The following OLFM3 variants were observed in gnomAD, a reference collection of about 807,000 sequenced individuals.
OLFM3 encodes the protein noelin-3.
In OLFM3, 20 loss-of-function variants were observed where a neutral mutation model predicts 48.6. The ratio of observed to expected loss-of-function variants is 0.41; its 90% CI spans 0.29 to 0.60. OLFM3 has a LOEUF of 0.60. Ranked by LOEUF, OLFM3 falls within the 20% of genes least tolerant of loss-of-function variation. The probability of loss-of-function intolerance (pLI) is 0.28; values close to 1 mark genes in which losing one functional copy is unlikely to be tolerated. For synonymous variants in OLFM3, 222 were observed against 198.1 expected (o/e 1.12, Z -1.01); for missense variants, 437 against 544.3 (o/e 0.80, Z 1.96).
At chr1:101,856,616 T>C (rs1418808438) in intron 1 of OLFM3, among the ~76,000 whole-genome samples, 1 of 152,030 alleles carries the variant, frequency 6.6e-6, no homozygotes, top group East Asian at 1.9e-4. Context: ...TTTTTTGTTC[T>C]CTCCACATTT....
intron 1 of OLFM3, among the ~76,000 whole-genome samples, chr1:101,991,016 A>AAAATATATATAT (rs1553186119): frequency 9.3e-5 from 3 of 32,212 alleles, no homozygotes; most frequent in African/African-American, 3.4e-4. Flanking sequence ...AAAAAAAAAA[A>AAAATATATATAT]ATATATATAT....
chr1:101,979,599 G>A (rs1661049226), intron 1 of OLFM3, among the ~76,000 whole-genome samples: 1 of 152,184 alleles, frequency 6.6e-6, no homozygotes, highest in Admixed American at 6.5e-5. Context: ...ACCCAGCAAT[G>A]TGGAATGATT....
chr1:101,931,091 C>T (rs181656564), intron 1 of OLFM3, among the ~76,000 whole-genome samples: 2 of 152,268 alleles, frequency 1.3e-5, no homozygotes, highest in Admixed American at 1.3e-4. Flanking sequence ...AAGAAGTCTT[C>T]TAGTTTCAGG....
intron 4 of OLFM3, among the ~76,000 whole-genome samples, chr1:101,807,704 G>A (rs555751788): frequency 1.3e-5 from 2 of 151,696 alleles, no homozygotes; most frequent in African/African-American, 2.4e-5. Flanking sequence ...AACTTGAATC[G>A]AATATATTTT....
At chr1:101,972,827 G>A (rs1240846324) in intron 1 of OLFM3, among the ~76,000 whole-genome samples, 2 of 152,132 alleles carry the variant, frequency 1.3e-5, no homozygotes, top group African/African-American at 2.4e-5. Context: ...TAAGCTGCAC[G>A]GAATATTGAA....
intron 1 of OLFM3, among the ~76,000 whole-genome samples, chr1:101,975,966 A>AT (rs1660942023): frequency 6.6e-6 from 1 of 152,198 alleles, no homozygotes; most frequent in East Asian, 1.9e-4. Flanking sequence ...ACTTTTAAGG[A>AT]TTTTCTGCAA....
chr1:101,840,235 A>G (rs776472663), intron 1 of OLFM3, among the ~76,000 whole-genome samples: 8 of 152,198 alleles, frequency 5.3e-5, no homozygotes, highest in Non-Finnish European at 1.2e-4. Flanking sequence ...GCAATCATTA[A>G]TGGAGTTCTA....
intron 1 of OLFM3, among the ~76,000 whole-genome samples, chr1:101,962,772 G>C (rs1660504136): frequency 6.6e-6 from 1 of 152,124 alleles, no homozygotes. Context: ...AGCATTACTT[G>C]TAGTTTTCTT....
chr1:101,921,223 AC>A, intron 1 of OLFM3, among the ~76,000 whole-genome samples: 1 of 152,080 alleles, frequency 6.6e-6, no homozygotes, highest in South Asian at 2.1e-4. Context: ...ACACACACAC[AC>A]ACACACACAA....
intron 1 of OLFM3, among the ~76,000 whole-genome samples, chr1:101,946,063 C>T (rs1263108316): frequency 1.3e-5 from 2 of 152,058 alleles, no homozygotes; most frequent in African/African-American, 4.8e-5. Flanking sequence ...CTGAGGTTAG[C>T]GTGTTCCTAG....
intron 1 of OLFM3, among the ~76,000 whole-genome samples, chr1:101,939,789 A>G (rs1354725555): frequency 2.6e-5 from 4 of 152,154 alleles, no homozygotes; most frequent in Non-Finnish European, 5.9e-5. Flanking sequence ...AACAATTGTA[A>G]GGGAAGTCTT....
intron 1 of OLFM3, among the ~76,000 whole-genome samples, chr1:101,923,723 G>A (rs1012332616): frequency 1.3e-5 from 2 of 151,738 alleles, no homozygotes; most frequent in African/African-American, 2.4e-5. Flanking sequence ...TAATTCTCTT[G>A]ACAGTTTCTT....
At chr1:101,950,724 G>A (rs4639786) in intron 1 of OLFM3, among the ~76,000 whole-genome samples, 35 of 152,222 alleles carry the variant, frequency 2.3e-4, no homozygotes, top group Middle Eastern at 3.4e-3. Flanking sequence ...GATTACAGGC[G>A]TGAGCCATTG....
intron 4 of OLFM3, among the ~76,000 whole-genome samples, chr1:101,824,671 AACAACAACAAC>A (rs1654770360): frequency 6.6e-6 from 1 of 151,678 alleles, no homozygotes; most frequent in African/African-American, 2.4e-5. Context: ...CAACAACAAC[AACAACAACAAC>A]AAAAAACAGT....
At chr1:101,985,697 A>G (rs982109040) in intron 1 of OLFM3, among the ~76,000 whole-genome samples, 6 of 152,312 alleles carry the variant, frequency 3.9e-5, no homozygotes, top group African/African-American at 1.4e-4. Context: ...TTATCTTTCA[A>G]TTAAATTTGC....
chr1:101,804,491 C>T lies in OLFM3; in HGVS notation c.1124G>A (p.Gly375Glu). ...TGTCCCACAGATCATGAAAGATTCC[C>T]CTGCACTTCTCTTGGGGTAGCCAGT... is the stretch of plus-strand genomic sequence containing the variant. ...WSTGYPKRSA[G>E]ESFMICGTLY... Residue 375 changes from glycine to glutamate, a missense_variant, in exon 6 of 6, where the codon GGG becomes GAG. Physicochemically the swap from Gly to Glu is moderately conservative, Grantham distance 98 (BLOSUM62 -2). This residue lies in a region of OLFM3 where 108 missense variants were observed against 135.8 expected (regional missense o/e 0.80). Transcript: ENST00000370103. The surrounding 1 kb of genome is among the most constrained non-coding windows in gnomAD (Gnocchi z 4.5). 2 of 1,612,634 alleles carry T rather than the reference C, an allele frequency of 1.2e-6. No individual in the cohort carries two copies. Among genetic ancestry groups the T allele is most frequent in the Non-Finnish European group, 1.7e-6 (2 of 1,179,120 alleles).
intron 1 of OLFM3, among the ~76,000 whole-genome samples, chr1:101,902,284 C>T (rs550068042): frequency 5.3e-5 from 8 of 152,154 alleles, no homozygotes; most frequent in South Asian, 2.1e-4. Context: ...AATAAGTCCA[C>T]ACTGAATCCT....
intron 1 of OLFM3, among the ~76,000 whole-genome samples, chr1:101,867,510 A>G (rs1351527659): frequency 6.6e-6 from 1 of 152,208 alleles, no homozygotes; most frequent in Non-Finnish European, 1.5e-5. Context: ...AGACTAGAAT[A>G]CTATACCACA....
At chr1:101,956,939 GA>G (rs1323477697) in intron 1 of OLFM3, among the ~76,000 whole-genome samples, 7 of 151,506 alleles carry the variant, frequency 4.6e-5, no homozygotes, top group African/African-American at 1.7e-4. Flanking sequence ...ATCAGATCAC[GA>G]ACTCCTCCAA....
Sources: gnomAD v4.1 joint callset for allele counts (sites outside exome capture counted in the v4.1 genomes callset) on GRCh38, gnomAD v4.1.1 for gene constraint, gnomAD v4.1.1 regional missense constraint, Gnocchi (gnomAD v3.1) non-coding constraint, MANE v1.5 for transcripts, NCBI Gene and HGNC (gene_info 2026-07-23, HGNC 2026-07-21) for gene names.